The following PPCDC variants were observed in gnomAD, a reference collection of about 807,000 sequenced individuals.
PPCDC encodes the protein phosphopantothenoylcysteine decarboxylase.
PPCDC carries 20 observed loss-of-function variants against 20.7 expected under a neutral mutation model. The ratio of observed to expected loss-of-function variants is 0.97; its 90% CI spans 0.68 to 1.41. The LOEUF (loss-of-function observed/expected upper bound fraction) is 1.41, where lower values mean the gene tolerates loss of function less well. PPCDC is among the 40% of genes most tolerant of loss of function. The probability of loss-of-function intolerance (pLI) is 0.00; values close to 1 mark genes in which losing one functional copy is unlikely to be tolerated. For missense variants in PPCDC, 246 were observed against 263.8 expected, an observed-to-expected ratio of 0.93 and a Z score of 0.47; for synonymous variants, 88 against 100.3, an observed-to-expected ratio of 0.88 and a Z score of 0.73.
rs1020322221 is a variant in PPCDC, at chr15:75,049,436, C to T, written c.*201C>T. On this transcript the variant is annotated 3_prime_UTR_variant, in exon 6 of 6. Coordinates refer to ENST00000342932, the MANE Select transcript of PPCDC (RefSeq NM_021823.5). ...TCAGTTTCTTTCAACCAGGAGAGGC[C>T]GCTGCCTAGAGCCCCTCCCCACCTT... The T allele has an allele frequency of 1.5e-4, 88 of 588,362 alleles. No homozygotes were observed. Among genetic ancestry groups the T allele is most frequent in the Non-Finnish European group, 5.1e-5 (17 of 333,342 alleles). The allele number at this position is 588,362 out of a possible 1,614,324, so 36.4% of individuals were successfully genotyped here.
At chr15:75,024,407 G>A (rs376354442) in intron 1 of PPCDC, among the ~76,000 whole-genome samples, 1 of 152,218 alleles carries the variant, frequency 6.6e-6, no homozygotes, top group East Asian at 1.9e-4. Flanking sequence ...GAGTGCAGTG[G>A]CAGGAACATG....
At chr15:75,029,146 G>C (rs2065991826) in intron 2 of PPCDC, among the ~76,000 whole-genome samples, 1 of 152,072 alleles carries the variant, frequency 6.6e-6, no homozygotes, top group Non-Finnish European at 1.5e-5. Context: ...AGGGCCCTTA[G>C]TTGGTCTGTC....
At chr15:75,037,831 G>C (rs1283091344) in intron 2 of PPCDC, among the ~76,000 whole-genome samples, 1 of 152,116 alleles carries the variant, frequency 6.6e-6, no homozygotes, top group East Asian at 1.9e-4. Flanking sequence ...TGGTAGGAGG[G>C]ACCTGAACCG....
At chr15:75,048,839 C>A in intron 5 of PPCDC, 118 bp downstream of exon 5, 1 of 1,302,518 alleles carries the variant, frequency 7.7e-7, no homozygotes, top group Non-Finnish European at 1.0e-6. Context: ...CTGAGCTTAG[C>A]TTTCTCAGCT....
chr15:75,046,723 G>T (rs986610989), intron 4 of PPCDC, among the ~76,000 whole-genome samples: 5 of 152,276 alleles, frequency 3.3e-5, no homozygotes, highest in African/African-American at 1.2e-4. Context: ...AGGAAGTTGA[G>T]CCTGCTCCTC....
At chr15:75,034,658 C>G (rs1174967513) in intron 2 of PPCDC, among the ~76,000 whole-genome samples, 1 of 152,246 alleles carries the variant, frequency 6.6e-6, no homozygotes, top group African/African-American at 2.4e-5. Context: ...GGGCACAGAT[C>G]TGGAGCATGC....
intron 4 of PPCDC, 148 bp downstream of exon 4, chr15:75,044,662 A>C (rs2066205865): frequency 1.3e-5 from 15 of 1,112,030 alleles, no homozygotes; most frequent in Non-Finnish European, 1.9e-5. Flanking sequence ...CATCGCCCCC[A>C]GTGCTCTCAC....
intron 2 of PPCDC, among the ~76,000 whole-genome samples, chr15:75,031,688 A>G (rs2066023750): frequency 6.6e-6 from 1 of 152,182 alleles, no homozygotes; most frequent in Non-Finnish European, 1.5e-5. Flanking sequence ...TGGGTAACAG[A>G]GCAAGACTCC....
chr15:75,030,611 C>T (rs963790996), intron 2 of PPCDC, among the ~76,000 whole-genome samples: 1 of 152,222 alleles, frequency 6.6e-6, no homozygotes, highest in South Asian at 2.1e-4. Context: ...CTCCCCTTCA[C>T]TCCCTGATGG....
At chr15:75,029,476 T>C (rs1466305499) in intron 2 of PPCDC, among the ~76,000 whole-genome samples, 1 of 152,134 alleles carries the variant, frequency 6.6e-6, no homozygotes, top group Non-Finnish European at 1.5e-5. Flanking sequence ...CGGTGCTTAC[T>C]CACAGATGAC....
intron 2 of PPCDC, among the ~76,000 whole-genome samples, chr15:75,032,842 T>C (rs1037066989): frequency 2.6e-5 from 4 of 151,846 alleles, no homozygotes; most frequent in Non-Finnish European, 5.9e-5. Context: ...GTTCTGTTGC[T>C]CAGGCTGGAG....
intron 2 of PPCDC, among the ~76,000 whole-genome samples, chr15:75,042,764 G>T: frequency 6.6e-6 from 1 of 151,984 alleles, no homozygotes; most frequent in East Asian, 1.9e-4. Context: ...TAAGCAGATT[G>T]CAGGCAGCCC....
At chr15:75,029,979 G>C (rs938379762) in intron 2 of PPCDC, among the ~76,000 whole-genome samples, 1 of 152,080 alleles carries the variant, frequency 6.6e-6, no homozygotes, top group African/African-American at 2.4e-5. Flanking sequence ...TGGGAGGGGG[G>C]TTGTGAGGAA....
At chr15:75,047,603 T>C (rs2066254528) in intron 4 of PPCDC, among the ~76,000 whole-genome samples, 1 of 152,228 alleles carries the variant, frequency 6.6e-6, no homozygotes, top group South Asian at 2.1e-4. Context: ...AGGGAGCCTG[T>C]GCCTGTGGGA....
chr15:75,048,027 A>C (rs909208771), intron 4 of PPCDC, among the ~76,000 whole-genome samples: 7 of 152,180 alleles, frequency 4.6e-5, no homozygotes, highest in African/African-American at 1.7e-4. Context: ...CTCAGGGAGC[A>C]GCTCCCTATC....
At chr15:75,047,726 A>G (rs1175084473) in intron 4 of PPCDC, among the ~76,000 whole-genome samples, 1 of 152,214 alleles carries the variant, frequency 6.6e-6, no homozygotes, top group African/African-American at 2.4e-5. Context: ...ACCTTTCTAG[A>G]GAGGAAGCCA....
intron 4 of PPCDC, among the ~76,000 whole-genome samples, chr15:75,046,957 C>G (rs1278525541): frequency 6.6e-6 from 1 of 152,284 alleles, no homozygotes; most frequent in East Asian, 1.9e-4. Flanking sequence ...GGGATCCAGG[C>G]CTTCTCCCCT....
intron 2 of PPCDC, 75 bp from the exon 3 acceptor site, chr15:75,043,366 C>G: frequency 1.5e-6 from 2 of 1,332,560 alleles, no homozygotes; most frequent in South Asian, 2.6e-5. Flanking sequence ...CCTGACCCTC[C>G]TGTGGCCTCC....
At chr15:75,046,637 A>G (rs906847961) in intron 4 of PPCDC, among the ~76,000 whole-genome samples, 2 of 152,246 alleles carry the variant, frequency 1.3e-5, no homozygotes, top group African/African-American at 2.4e-5. Context: ...CAAATTTTAC[A>G]AAGTTTGAAG....
Sources: gnomAD v4.1 joint callset for allele counts (sites outside exome capture counted in the v4.1 genomes callset) on GRCh38, gnomAD v4.1.1 for gene constraint, MANE v1.5 for transcripts, NCBI Gene and HGNC (gene_info 2026-07-23, HGNC 2026-07-21) for gene names.